The following NXPH1 variants were observed in gnomAD, a reference collection of about 807,000 sequenced individuals.
NXPH1 encodes the protein neurexophilin-1.
A neutral mutation model predicts 23.7 loss-of-function variants in NXPH1; 5 were observed. The observed-to-expected ratio is 0.21, with a 90% CI of 0.11 to 0.44. The LOEUF (loss-of-function observed/expected upper bound fraction) is 0.44. NXPH1 is among the 20% of genes least tolerant of loss of function. NXPH1 has a pLI of 0.99. For missense variants in NXPH1, 324 were observed against 321.6 expected, an observed-to-expected ratio of 1.01 and a Z score of -0.06; for synonymous variants, 144 against 122.2, an observed-to-expected ratio of 1.18 and a Z score of -1.18.
chr7:8,464,723 G>C (rs546788875), intron 2 of NXPH1, among the ~76,000 whole-genome samples: 2 of 151,894 alleles, frequency 1.3e-5, no homozygotes, highest in African/African-American at 4.8e-5. Context: ...AGTGGAGTGA[G>C]AGGCACAGAG....
chr7:8,603,509 T>G (rs970628819), intron 2 of NXPH1, among the ~76,000 whole-genome samples: 2 of 152,216 alleles, frequency 1.3e-5, no homozygotes, highest in Non-Finnish European at 2.9e-5. Flanking sequence ...TCCACCCATT[T>G]GCTTAAGACC....
chr7:8,437,175 ACT>A (rs1816211320), intron 2 of NXPH1, among the ~76,000 whole-genome samples: 1 of 152,034 alleles, frequency 6.6e-6, no homozygotes, highest in Admixed American at 6.5e-5. Flanking sequence ...AGCCTTTCTG[ACT>A]CTGTCACCGA....
In NXPH1 at chr7:8,582,202, G is replaced by T. The variant is rs552349772; in HGVS notation, c.54+146435G>T. On this transcript the variant is annotated intron_variant, in intron 2 of 2. Coordinates refer to ENST00000405863, the MANE Select transcript of NXPH1 (RefSeq NM_152745.3). ...GGCACTGGGAAGCTTGTAGATGCCG[G>T]GAATCACAGAGCCCCAAAGACAGTG... Among the ~76,000 whole-genome samples the T allele has an allele frequency of 2.0e-5, 3 of 152,272 alleles. No individual in the cohort carries two copies. In the East Asian group the frequency reaches 5.8e-4, roughly 29 times the overall value.
chr7:8,507,316 C>G (rs1271960788), intron 2 of NXPH1, among the ~76,000 whole-genome samples: 2 of 151,652 alleles, frequency 1.3e-5, no homozygotes, highest in Non-Finnish European at 2.9e-5. Flanking sequence ...AGGGGTAGAT[C>G]ATGAGTGAAA....
chr7:8,681,790 T>C (rs1427127555), intron 2 of NXPH1, among the ~76,000 whole-genome samples: 1 of 152,236 alleles, frequency 6.6e-6, no homozygotes, highest in Non-Finnish European at 1.5e-5. Context: ...GCATCTGAGA[T>C]GATTGGGAGA....
chr7:8,647,038 C>A (rs1438973321), intron 2 of NXPH1, among the ~76,000 whole-genome samples: 1 of 152,078 alleles, frequency 6.6e-6, no homozygotes, highest in African/African-American at 2.4e-5. Context: ...TCAGACCCAG[C>A]TCCTAGCCAC....
intron 2 of NXPH1, among the ~76,000 whole-genome samples, chr7:8,620,839 C>T (rs189642237): frequency 9.4e-4 from 143 of 152,250 alleles, no homozygotes; most frequent in Middle Eastern, 3.4e-3. Context: ...GGGACAAGGA[C>T]GATTTAGAAA....
chr7:8,521,862 G>T (rs926347963), intron 2 of NXPH1, among the ~76,000 whole-genome samples: 1 of 152,096 alleles, frequency 6.6e-6, no homozygotes, highest in African/African-American at 2.4e-5. Context: ...GGGTGGAAGC[G>T]ATTTGAAGGA....
chr7:8,689,263 C>T (rs534226185), intron 2 of NXPH1, among the ~76,000 whole-genome samples: 3 of 151,474 alleles, frequency 2.0e-5, no homozygotes, highest in Non-Finnish European at 2.9e-5. Flanking sequence ...TAGTCTTTTA[C>T]ACAAGTAAAG....
At position 8,613,271 on chromosome 7, in the gene NXPH1, C is replaced by T. The variant is rs554017518; in HGVS notation, c.55-137737C>T. On this transcript the variant is annotated intron_variant, in intron 2 of 2. Coordinates refer to ENST00000405863, the MANE Select transcript of NXPH1 (RefSeq NM_152745.3). Reference sequence around the variant, plus strand: ...AGCCAGAAAAGCTCCATTTTAAATGCTAGCAAATCCAGTAACTCAAAAGCT... The same window carrying T: ...AGCCAGAAAAGCTCCATTTTAAATGTTAGCAAATCCAGTAACTCAAAAGCT... Among the ~76,000 whole-genome samples the T allele has an allele frequency of 6.6e-5, 10 of 152,020 alleles. No individual in the cohort carries two copies. In the South Asian group the frequency reaches 1.5e-3, roughly 22 times the overall value.
intron 2 of NXPH1, among the ~76,000 whole-genome samples, chr7:8,532,444 G>A (rs895102128): frequency 3.7e-5 from 4 of 107,396 alleles, no homozygotes; most frequent in Non-Finnish European, 6.7e-5. Context: ...CACCTGCTCT[G>A]AAATTATCCT....
chr7:8,499,734 G>A (rs1256914902), intron 2 of NXPH1, among the ~76,000 whole-genome samples: 4 of 152,020 alleles, frequency 2.6e-5, no homozygotes, highest in Admixed American at 1.3e-4. Context: ...GCTCTCAAAT[G>A]TCTATTCCCC....
intron 2 of NXPH1, among the ~76,000 whole-genome samples, chr7:8,600,663 A>G (rs756754080): frequency 2.0e-5 from 3 of 152,192 alleles, no homozygotes; most frequent in East Asian, 3.9e-4. Flanking sequence ...ACTTTAAGCC[A>G]CTTGCCTTCA....
chr7:8,643,280 T>C (rs1365967469), intron 2 of NXPH1, among the ~76,000 whole-genome samples: 1 of 152,184 alleles, frequency 6.6e-6, no homozygotes, highest in African/African-American at 2.4e-5. Flanking sequence ...TTTAATAATA[T>C]ATGTATATGT....
At chr7:8,581,925 C>T (rs1025794159) in intron 2 of NXPH1, among the ~76,000 whole-genome samples, 1 of 152,160 alleles carries the variant, frequency 6.6e-6, no homozygotes, top group Non-Finnish European at 1.5e-5. Context: ...CCCCTGCTGC[C>T]TCTGCTTGTG....
At chr7:8,481,378 G>T (rs1486188027) in intron 2 of NXPH1, among the ~76,000 whole-genome samples, 1 of 152,130 alleles carries the variant, frequency 6.6e-6, no homozygotes, top group Non-Finnish European at 1.5e-5. Context: ...AAAATCTTGG[G>T]AAAGAAAAAC....
intron 2 of NXPH1, among the ~76,000 whole-genome samples, chr7:8,655,284 C>T (rs1343846439): frequency 6.6e-6 from 1 of 152,056 alleles, no homozygotes; most frequent in African/African-American, 2.4e-5. Flanking sequence ...ACTTGGGAGG[C>T]TGAGGTGGGA....
In NXPH1 at chr7:8,435,530, C is replaced by T. The variant is rs546406166; in HGVS notation, c.-110-74C>T. On this transcript the variant is annotated intron_variant, in intron 1 of 2. Transcript: ENST00000405863. The surrounding 1 kb of genome is among the most constrained non-coding windows in gnomAD (Gnocchi z 5.9). ...TGGTCCCCCACTCCCCGCTACGACC[C>T]CCTTTCCCCGCTTGATTGTCAAGCC... 1.3e-4 allele frequency: 75 copies of T among 593,476 alleles called. No homozygotes were observed. The South Asian group carries it at 1.6e-3, about 12-fold the overall frequency. The allele number at this position is 593,476 out of a possible 1,614,324, so 36.8% of individuals were successfully genotyped here. A position where few individuals can be genotyped will look rare whatever the true frequency, so the allele number is the denominator to read the frequency against.
chr7:8,738,608 C>T (rs1780303900), intron 2 of NXPH1, among the ~76,000 whole-genome samples: 1 of 152,096 alleles, frequency 6.6e-6, no homozygotes, highest in African/African-American at 2.4e-5. Context: ...AGTGAGGGAC[C>T]CACTTGAGGA....
Sources: gnomAD v4.1 joint callset for allele counts (sites outside exome capture counted in the v4.1 genomes callset) on GRCh38, gnomAD v4.1.1 for gene constraint, Gnocchi (gnomAD v3.1) non-coding constraint, MANE v1.5 for transcripts, NCBI Gene and HGNC (gene_info 2026-07-23, HGNC 2026-07-21) for gene names.